Variants in GNA14 observed in about 807,000 individuals in gnomAD.
The protein encoded by GNA14 is G protein subunit alpha 14.
A neutral mutation model predicts 42.0 loss-of-function variants in GNA14; 50 were observed. That is an observed-to-expected ratio of 1.19 (90% CI 0.95 to 1.51). The LOEUF (loss-of-function observed/expected upper bound fraction) is 1.51. Among genes scored for constraint, GNA14 ranks in the 40% most tolerant of loss-of-function variants. The pLI is 0.00. For missense variants in GNA14, 473 were observed against 446.2 expected, an observed-to-expected ratio of 1.06 and a Z score of -0.54; for synonymous variants, 173 against 163.1, an observed-to-expected ratio of 1.06 and a Z score of -0.46.
rs540083047 is a variant in GNA14 at position 77,553,028 on chromosome 9, T to C, written c.125-23775A>G. Among the ~76,000 whole-genome samples, 15 of 152,276 alleles carry C rather than the reference T, an allele frequency of 9.9e-5. No individual in the cohort carries two copies. In the East Asian group the frequency reaches 2.5e-3, roughly 26 times the overall value. On this transcript the variant is annotated intron_variant, in intron 1 of 6. Coordinates refer to ENST00000341700, the MANE Select transcript of GNA14 (RefSeq NM_004297.4). ...TCACTCCATTTACCTAATGGTGACA[T>C]GACCTGCTGGAAAAACACATCCCAG... is the stretch of plus-strand genomic sequence containing the variant.
At chr9:77,516,872 A>G (rs893589074) in intron 2 of GNA14, among the ~76,000 whole-genome samples, 1 of 152,212 alleles carries the variant, frequency 6.6e-6, no homozygotes, top group African/African-American at 2.4e-5. Context: ...TCTTACAACA[A>G]TAATGACAAC....
chr9:77,430,998 A>G (rs1403013478), intron 4 of GNA14, among the ~76,000 whole-genome samples: 2 of 122,684 alleles, frequency 1.6e-5, no homozygotes, highest in Admixed American at 1.8e-4. Context: ...CACTACATTC[A>G]ATTTGTGGGA....
intron 2 of GNA14, among the ~76,000 whole-genome samples, chr9:77,504,374 G>T (rs1454609723): frequency 6.6e-6 from 1 of 152,106 alleles, no homozygotes; most frequent in Admixed American, 6.6e-5. Context: ...GATTTAGCCT[G>T]CAGGGCAAGC....
Position 77,569,761 on chromosome 9 carries a change from CCTTT to C in GNA14, c.125-40512_125-40509del, listed in dbSNP as rs777107994. On this transcript the variant is annotated intron_variant, in intron 1 of 6. Coordinates refer to ENST00000341700, the MANE Select transcript of GNA14 (RefSeq NM_004297.4). ...GGTAGTAGGGATATGTTTTTCTTTT[CCTTT>C]CTTTCTTTTTTTTTTTTTTAAGACG... is the stretch of plus-strand genomic sequence containing the variant. 1.2e-3 allele frequency among the ~76,000 whole-genome samples: 185 copies of C among 151,062 alleles called. 1 individual carries two copies. Among genetic ancestry groups the C allele is most frequent in the African/African-American group, 4.1e-3 (167 of 40,980 alleles).
chr9:77,632,458 C>A (rs1039230252), intron 1 of GNA14, among the ~76,000 whole-genome samples: 2 of 152,188 alleles, frequency 1.3e-5, no homozygotes, highest in Non-Finnish European at 2.9e-5. Flanking sequence ...ACACTTCCTC[C>A]CCTCTGTGGC....
At chr9:77,500,741 G>A (rs143272471) in intron 2 of GNA14, among the ~76,000 whole-genome samples, 9 of 152,304 alleles carry the variant, frequency 5.9e-5, no homozygotes, top group Admixed American at 4.6e-4. Flanking sequence ...CTTAGCATAA[G>A]TCTCTGAAGA....
intron 1 of GNA14, among the ~76,000 whole-genome samples, chr9:77,617,032 G>C (rs1472251985): frequency 2.6e-5 from 4 of 151,830 alleles, no homozygotes; most frequent in African/African-American, 9.7e-5. Context: ...ACCACGACCG[G>C]TTAATTTTTT....
At chr9:77,508,098 C>G (rs1157821957) in intron 2 of GNA14, among the ~76,000 whole-genome samples, 2 of 152,154 alleles carry the variant, frequency 1.3e-5, no homozygotes, top group African/African-American at 4.8e-5. Flanking sequence ...GTCCGCTTCC[C>G]TGCTCTCTCT....
In GNA14 at chr9:77,423,960, G is replaced by T; in HGVS notation, c.*19C>A. ...GCAAATCACATCTTCTGTTATAGGGGAGGAGTGGGCAGCAGCTTTTAGACA... is the reference window on the plus strand; with the variant it reads ...GCAAATCACATCTTCTGTTATAGGGTAGGAGTGGGCAGCAGCTTTTAGACA... On this transcript the variant is annotated 3_prime_UTR_variant, in exon 7 of 7. Coordinates refer to ENST00000341700, the MANE Select transcript of GNA14 (RefSeq NM_004297.4). The T allele has an allele frequency of 6.5e-7, 1 of 1,544,812 alleles. No homozygotes were observed. The highest frequency in any genetic ancestry group is 1.2e-5 in the South Asian group (1 of 81,222).
At chr9:77,568,707 A>C (rs540962376) in intron 1 of GNA14, among the ~76,000 whole-genome samples, 54 of 152,214 alleles carry the variant, frequency 3.5e-4, no homozygotes, top group African/African-American at 1.2e-3. Flanking sequence ...TGGGTGCACA[A>C]GGTGGTACAG....
At chr9:77,470,274 G>C (rs1836308707) in intron 2 of GNA14, among the ~76,000 whole-genome samples, 2 of 152,168 alleles carry the variant, frequency 1.3e-5, no homozygotes. Flanking sequence ...CTGACACCAG[G>C]TCATACCAGG....
At chr9:77,544,771 T>C (rs1837700722) in intron 1 of GNA14, among the ~76,000 whole-genome samples, 1 of 151,536 alleles carries the variant, frequency 6.6e-6, no homozygotes, top group African/African-American at 2.4e-5. Flanking sequence ...AAAAGGCAAA[T>C]TGTAAGCATA....
intron 1 of GNA14, among the ~76,000 whole-genome samples, chr9:77,627,970 C>T (rs1020271631): frequency 6.6e-6 from 1 of 152,188 alleles, no homozygotes; most frequent in African/African-American, 2.4e-5. Flanking sequence ...TTGCAGATGA[C>T]ATGATTTTAT....
intron 3 of GNA14, among the ~76,000 whole-genome samples, chr9:77,432,197 G>A (rs1461583305): frequency 1.3e-5 from 2 of 151,898 alleles, no homozygotes; most frequent in Non-Finnish European, 2.9e-5. Context: ...AAGAGTTGTA[G>A]ATGCAGAGCC....
chr9:77,440,992 A>G (rs926870393), intron 2 of GNA14, among the ~76,000 whole-genome samples: 2 of 152,230 alleles, frequency 1.3e-5, no homozygotes, highest in African/African-American at 4.8e-5. Flanking sequence ...CTGGGACTAC[A>G]GGCGTGAGCC....
intron 2 of GNA14, among the ~76,000 whole-genome samples, chr9:77,477,390 T>C (rs949168821): frequency 2.6e-5 from 4 of 152,032 alleles, no homozygotes; most frequent in Admixed American, 6.6e-5. Context: ...ATATGTTAAG[T>C]AAAAGTCCAT....
chr9:77,618,673 G>A (rs1221990249), intron 1 of GNA14, among the ~76,000 whole-genome samples: 5 of 99,862 alleles, frequency 5.0e-5, no homozygotes, highest in Admixed American at 1.5e-4. Flanking sequence ...TCGCTCTGTC[G>A]CCCAGGCTGG....
intron 2 of GNA14, among the ~76,000 whole-genome samples, chr9:77,486,839 T>C (rs1202410245): frequency 1.3e-5 from 2 of 152,078 alleles, no homozygotes; most frequent in African/African-American, 4.8e-5. Flanking sequence ...ATAATTACAT[T>C]AGGAAGATAA....
At chr9:77,471,315 G>A (rs965922368) in intron 2 of GNA14, among the ~76,000 whole-genome samples, 1 of 152,158 alleles carries the variant, frequency 6.6e-6, no homozygotes, top group Admixed American at 6.6e-5. Context: ...TCAGGACAGT[G>A]CTTGAAGGTT....
Sources: allele counts gnomAD v4.1 joint callset (sites outside exome capture counted in the v4.1 genomes callset), GRCh38; gene constraint gnomAD v4.1.1; transcripts MANE v1.5; gene names NCBI Gene and HGNC (gene_info 2026-07-23, HGNC 2026-07-21).